Variants in MAML3 observed in about 807,000 individuals in gnomAD.
MAML3 encodes the protein mastermind like transcriptional coactivator 3, also known as mastermind-like protein 3.
Under a neutral mutation model 101.9 loss-of-function variants are expected in MAML3, and 27 were observed. The observed-to-expected ratio is 0.27, with a 90% confidence interval of 0.20 to 0.37. MAML3 has a LOEUF of 0.37. MAML3 is among the 10% of genes least tolerant of loss of function. The probability of loss-of-function intolerance (pLI) is 1.00; values close to 1 mark genes in which losing one functional copy is unlikely to be tolerated. For missense variants in MAML3, 1,316 were observed against 1,444.9 expected, an observed-to-expected ratio of 0.91 and a Z score of 1.45; for synonymous variants, 501 against 555.9, an observed-to-expected ratio of 0.90 and a Z score of 1.39.
chr4:139,954,754 G>C (rs772760769), intron 1 of MAML3, among the ~76,000 whole-genome samples: 5 of 152,128 alleles, frequency 3.3e-5, no homozygotes, highest in Non-Finnish European at 7.4e-5. Flanking sequence ...TACTAGGCTC[G>C]AGGAATCCTC....
At chr4:140,134,623 A>G (rs1728853650) in intron 1 of MAML3, 1 of 315,752 alleles carries the variant, frequency 3.2e-6, no homozygotes, top group Admixed American at 4.5e-5. Flanking sequence ...ATAAATATAC[A>G]TATACATACA....
At chr4:140,076,756 C>T (rs1192546082) in intron 1 of MAML3, among the ~76,000 whole-genome samples, 2 of 152,222 alleles carry the variant, frequency 1.3e-5, no homozygotes, top group Non-Finnish European at 2.9e-5. Context: ...TGTTCTTCCC[C>T]AAGATGGGCT....
rs200257540 is a variant in MAML3, at chr4:139,890,424, C to T, written c.1012G>A (p.Glu338Lys). 331 of 1,607,754 alleles carry T rather than the reference C, an allele frequency of 2.1e-4. 1 individual carries two copies. Among genetic ancestry groups the T allele is most frequent in the Non-Finnish European group, 2.7e-4 (317 of 1,175,154 alleles). Residue 338 changes from glutamate to lysine, a missense_variant, in exon 2 of 5, where the codon GAG (glutamate) becomes AAG (lysine). Transcript: ENST00000509479. The surrounding 1 kb of genome is among the most constrained non-coding windows in gnomAD (Gnocchi z 4.1). Reference protein sequence around the residue: ...LFNEDFEEKKEPEFSQPATET... With the variant: ...LFNEDFEEKKKPEFSQPATET... The stretch of plus-strand genomic sequence containing the variant: ...GTTGCTGGCTGCGAGAATTCTGGCT[C>T]CTTCTTCTCTTCAAAGTCTTCGTTG...
At chr4:140,024,078 T>G (rs1427764478) in intron 1 of MAML3, among the ~76,000 whole-genome samples, 1 of 152,030 alleles carries the variant, frequency 6.6e-6, no homozygotes, top group East Asian at 1.9e-4. Flanking sequence ...GTAATGTATA[T>G]GTGTGTATCA....
intron 1 of MAML3, among the ~76,000 whole-genome samples, chr4:140,094,138 G>A (rs1226946345): frequency 6.6e-6 from 1 of 152,192 alleles, no homozygotes. Flanking sequence ...TGCAGGCAAG[G>A]TCCATTTACA....
intron 1 of MAML3, among the ~76,000 whole-genome samples, chr4:140,077,600 T>C (rs1031734623): frequency 1.3e-5 from 2 of 152,200 alleles, no homozygotes; most frequent in African/African-American, 4.8e-5. Context: ...ATAGTAACTA[T>C]CTTACAGTTG....
intron 1 of MAML3, among the ~76,000 whole-genome samples, chr4:139,989,909 A>G (rs1273758000): frequency 6.6e-6 from 1 of 151,990 alleles, no homozygotes; most frequent in Non-Finnish European, 1.5e-5. Context: ...AGAAAGAGAG[A>G]GAGAGAGATT....
intron 2 of MAML3, among the ~76,000 whole-genome samples, chr4:139,757,919 G>A (rs1729685457): frequency 6.6e-6 from 1 of 152,032 alleles, no homozygotes; most frequent in Admixed American, 6.6e-5. Flanking sequence ...CCATCACCGT[G>A]GCTGGTCACT....
intron 1 of MAML3, among the ~76,000 whole-genome samples, chr4:140,028,605 G>T (rs547021486): frequency 2.0e-5 from 3 of 151,820 alleles, no homozygotes; most frequent in Non-Finnish European, 4.4e-5. Context: ...TAATGAAACG[G>T]GTCTTCATTA....
rs1055208 is a variant in MAML3, at chr4:140,150,193, T to C, written c.468+2667A>G. On this transcript the variant is annotated intron_variant, in intron 1 of 4. Coordinates refer to ENST00000509479, the MANE Select transcript of MAML3 (RefSeq NM_018717.5). ...CGCAGTCATCTTTCAAGTCTATTTG[T>C]TGCTAATTTGCTAAACTGGGATTCA... 5.4e-3 allele frequency among the ~76,000 whole-genome samples: 827 copies of C among 152,350 alleles called. 6 individuals are homozygous for C. The highest frequency in any genetic ancestry group is 0.019 in the African/African-American group (798 of 41,570).
intron 1 of MAML3, among the ~76,000 whole-genome samples, chr4:140,091,846 G>C (rs1056943574): frequency 6.6e-6 from 1 of 151,842 alleles, no homozygotes; most frequent in Admixed American, 6.6e-5. Context: ...TCCTCTCTTC[G>C]AGGACTGCAA....
chr4:139,844,389 T>C (rs1346866317), intron 2 of MAML3, among the ~76,000 whole-genome samples: 1 of 152,190 alleles, frequency 6.6e-6, no homozygotes, highest in Non-Finnish European at 1.5e-5. Context: ...TTGAAATCAA[T>C]TAGATGCCAC....
At chr4:139,880,814 G>T (rs1454476015) in intron 2 of MAML3, among the ~76,000 whole-genome samples, 3 of 152,138 alleles carry the variant, frequency 2.0e-5, no homozygotes, top group African/African-American at 4.8e-5. Context: ...AATCACTGAA[G>T]GAGCCTCTGG....
intron 1 of MAML3, among the ~76,000 whole-genome samples, chr4:140,084,865 A>C (rs1727925248): frequency 1.3e-5 from 2 of 152,212 alleles, no homozygotes; most frequent in Non-Finnish European, 2.9e-5. Flanking sequence ...ACAAAGGTCT[A>C]GTATTTAAAA....
chr4:139,867,241 T>C (rs754795525), intron 2 of MAML3, among the ~76,000 whole-genome samples: 54 of 152,196 alleles, frequency 3.5e-4, no homozygotes, highest in Non-Finnish European at 2.2e-4. Context: ...CCAGGAATCA[T>C]TGAATCCCCT....
rs150517547 is a variant in MAML3 at position 139,996,637 on chromosome 4, T to C, written c.469-105670A>G. On this transcript the variant is annotated intron_variant, in intron 1 of 4. Coordinates refer to ENST00000509479, the MANE Select transcript of MAML3 (RefSeq NM_018717.5). ...TTTTACTTTTTTACTTTTATACTAA[T>C]ATGTTTTGAGTCAAAAGTAACGTTT... Among the ~76,000 whole-genome samples the C allele has an allele frequency of 3.0e-4, 46 of 152,224 alleles. No individual in the cohort carries two copies. The East Asian group carries it at 8.5e-3, about 28-fold the overall frequency.
At chr4:139,738,717 G>A (rs958413931) in intron 2 of MAML3, among the ~76,000 whole-genome samples, 1 of 148,972 alleles carries the variant, frequency 6.7e-6, no homozygotes, top group Non-Finnish European at 1.5e-5. Context: ...AAGGTACAGA[G>A]AAAAAAAAAT....
chr4:139,879,576 G>C (rs1337784394), intron 2 of MAML3, among the ~76,000 whole-genome samples: 1 of 149,174 alleles, frequency 6.7e-6, no homozygotes, highest in East Asian at 2.0e-4. Flanking sequence ...AAAGAAAATG[G>C]TGGTGGTGGT....
chr4:139,744,432 G>A (rs1047633717), intron 2 of MAML3, among the ~76,000 whole-genome samples: 1 of 152,186 alleles, frequency 6.6e-6, no homozygotes, highest in Non-Finnish European at 1.5e-5. Flanking sequence ...ATGGGTTGTG[G>A]TTATAGCTTT....
Sources: allele counts gnomAD v4.1 joint callset (sites outside exome capture counted in the v4.1 genomes callset), GRCh38; gene constraint gnomAD v4.1.1; non-coding constraint Gnocchi (gnomAD v3.1); transcripts MANE v1.5; gene names NCBI Gene and HGNC (gene_info 2026-07-23, HGNC 2026-07-21).